TRAPPC11: variants seen among roughly 807,000 people sequenced by gnomAD.
TRAPPC11 encodes the protein trafficking protein particle complex subunit 11, also known as foie gras homolog.
TRAPPC11 carries 104 observed loss-of-function variants against 151.2 expected under a neutral mutation model. That is an observed-to-expected ratio of 0.69 (90% CI 0.59 to 0.81). The LOEUF (loss-of-function observed/expected upper bound fraction) is 0.81, where lower values mean the gene tolerates loss of function less well. Ranked by LOEUF, TRAPPC11 falls within the 30% of genes least tolerant of loss-of-function variation. The probability of loss-of-function intolerance (pLI) is 0.00; values close to 1 mark genes in which losing one functional copy is unlikely to be tolerated. For synonymous variants in TRAPPC11, 456 were observed against 472.3 expected (o/e 0.97, Z 0.45); for missense variants, 1,230 against 1,349.6 (o/e 0.91, Z 1.39).
At chr4:183,691,619 G>C (rs1736265533) in intron 19 of TRAPPC11, 148 bp downstream of exon 19, 3 of 474,582 alleles carry the variant, frequency 6.3e-6, no homozygotes, top group Non-Finnish European at 9.8e-6. Context: ...AGTTTGGGAA[G>C]TTTCCTTCAG....
At chr4:183,675,767 T>C (rs1314442857) in intron 7 of TRAPPC11, 1 of 152,224 alleles carries the variant, frequency 6.6e-6, no homozygotes, top group East Asian at 1.9e-4. Flanking sequence ...TTAAATTCAA[T>C]TTTTTAAATT....
chr4:183,701,713 A>G lies in TRAPPC11; in HGVS notation c.2868A>G (p.Gly956=). 7 of 1,613,158 alleles carry G rather than the reference A, an allele frequency of 4.3e-6. No homozygotes were observed. The highest frequency in any genetic ancestry group is 5.9e-6 in the Non-Finnish European group (7 of 1,179,172). The change falls in exon 26 of 30, where the codon GGA becomes GGG. Residue 956 remains glycine (G), a synonymous_variant. Transcript: ENST00000334690. ...TCCCTGTAGTTATCTTACAGACTGG[A>G]GAGAGTGCTAGTGAATGCTTTTGTC... ...SQVDNVILQT[G]ESASECFCLQ...
intron 29 of TRAPPC11, 117 bp from the exon 30 acceptor site, chr4:183,712,483 C>T: frequency 1.0e-6 from 1 of 990,814 alleles, no homozygotes; most frequent in Non-Finnish European, 1.6e-6. Context: ...GATGCTTACA[C>T]TCATTTATTC....
chr4:183,676,405 C>T (rs568475078), intron 7 of TRAPPC11, among the ~76,000 whole-genome samples: 1 of 152,172 alleles, frequency 6.6e-6, no homozygotes, highest in Non-Finnish European at 1.5e-5. Flanking sequence ...CCACCTTGGC[C>T]TCCCAAAATG....
At chr4:183,660,677 T>G (rs1229722526) in intron 1 of TRAPPC11, among the ~76,000 whole-genome samples, 1 of 152,176 alleles carries the variant, frequency 6.6e-6, no homozygotes, top group Non-Finnish European at 1.5e-5. Context: ...CTCGTTCATA[T>G]TAAGCAAAGG....
chr4:183,694,485 TAAAG>T, intron 22 of TRAPPC11, 115 bp from the exon 23 acceptor site: 1 of 1,012,374 alleles, frequency 9.9e-7, no homozygotes, highest in Non-Finnish European at 1.5e-6. Context: ...GTAAAAGTGA[TAAAG>T]AATTTAGCCA....
intron 28 of TRAPPC11, among the ~76,000 whole-genome samples, chr4:183,708,161 G>A (rs1225968177): frequency 6.6e-6 from 1 of 152,148 alleles, no homozygotes; most frequent in Non-Finnish European, 1.5e-5. Context: ...ACCCATTGTA[G>A]GTCTTGGTAG....
At chr4:183,695,636 G>A (rs969265583) in intron 23 of TRAPPC11, among the ~76,000 whole-genome samples, 1 of 152,146 alleles carries the variant, frequency 6.6e-6, no homozygotes, top group African/African-American at 2.4e-5. Context: ...GGTCCTGACA[G>A]TAATGTTGTC....
At chr4:183,706,961 T>G (rs1029954214) in intron 28 of TRAPPC11, 21 bp downstream of exon 28, 1 of 1,609,284 alleles carries the variant, frequency 6.2e-7, no homozygotes. Context: ...TATCTTGTGA[T>G]GCTTATGTTG....
Position 183,677,563 on chromosome 4 carries a change from T to A in TRAPPC11, c.831+9T>A. ...GATTTATAAACTACAAGGTAATAAT[T>A]CTGCTTCCAAATACAGGGAATTTGT... On this transcript the variant is annotated intron_variant, in intron 8 of 29. Coordinates refer to ENST00000334690, the MANE Select transcript of TRAPPC11 (RefSeq NM_021942.6). The A allele has an allele frequency of 2.2e-6, 3 of 1,393,450 alleles. No homozygotes were observed. The highest frequency in any genetic ancestry group is 3.0e-6 in the Non-Finnish European group (3 of 988,962). 86.3% of individuals were successfully genotyped at this position (1,393,450 alleles called of 1,614,324 possible). A position where few individuals can be genotyped will look rare whatever the true frequency, so the allele number is the denominator to read the frequency against.
Position 183,706,786 on chromosome 4 carries a change from G to A in TRAPPC11, c.3056-21G>A, listed in dbSNP as rs1244960520. 2.5e-6 allele frequency: 4 copies of A among 1,602,566 alleles called. No individual in the cohort carries two copies. In the Admixed American group the frequency reaches 6.8e-5, roughly 27 times the overall value. On this transcript the variant is annotated intron_variant, in intron 27 of 29. Coordinates refer to ENST00000334690, the MANE Select transcript of TRAPPC11 (RefSeq NM_021942.6). ...GGAGCTATTTTTTAAACCAAGAGAAGTGTGTCATCTTTCTCTGTAGATCTG... is the reference window on the plus strand; with the variant it reads ...GGAGCTATTTTTTAAACCAAGAGAAATGTGTCATCTTTCTCTGTAGATCTG...
At chr4:183,693,827 A>G (rs1736387722) in intron 21 of TRAPPC11, 90 bp downstream of exon 21, 1 of 1,594,778 alleles carries the variant, frequency 6.3e-7, no homozygotes, top group Admixed American at 1.7e-5. Context: ...TGTTTACAAG[A>G]GGGTATGGCA....
At chr4:183,666,907 G>C in intron 3 of TRAPPC11, 153 bp from the exon 4 acceptor site, 1 of 553,816 alleles carries the variant, frequency 1.8e-6, no homozygotes, top group Non-Finnish European at 3.2e-6. Context: ...TGACATATAT[G>C]TGCTTTGTGT....
intron 25 of TRAPPC11, among the ~76,000 whole-genome samples, chr4:183,699,085 C>T (rs1458745894): frequency 2.6e-5 from 4 of 152,182 alleles, no homozygotes; most frequent in African/African-American, 9.7e-5. Context: ...CACTGGACCT[C>T]ACCTGGTCAG....
chr4:183,688,128 C>T (rs575912892), intron 18 of TRAPPC11, among the ~76,000 whole-genome samples: 1 of 152,126 alleles, frequency 6.6e-6, no homozygotes, highest in Non-Finnish European at 1.5e-5. Context: ...CTGAGTATAG[C>T]ATATGTCGAC....
intron 2 of TRAPPC11, 72 bp downstream of exon 2, chr4:183,664,143 T>C: frequency 7.3e-7 from 1 of 1,373,278 alleles, no homozygotes; most frequent in Non-Finnish European, 1.0e-6. Context: ...TTTTTTGTTC[T>C]GTTGTGTGTG....
chr4:183,690,905 C>G (rs1326549301), intron 18 of TRAPPC11, among the ~76,000 whole-genome samples: 1 of 152,024 alleles, frequency 6.6e-6, no homozygotes, highest in African/African-American at 2.4e-5. Context: ...AAGGTTGAGG[C>G]TACAGTGAGC....
chr4:183,666,932 C>T, intron 3 of TRAPPC11, 128 bp from the exon 4 acceptor site: 1 of 650,352 alleles, frequency 1.5e-6, no homozygotes, highest in South Asian at 2.8e-5. Flanking sequence ...GAAAAGATTT[C>T]TTCTGATCTT....
intron 5 of TRAPPC11, among the ~76,000 whole-genome samples, chr4:183,671,124 C>T (rs1735134493): frequency 6.6e-6 from 1 of 152,178 alleles, no homozygotes; most frequent in Admixed American, 6.5e-5. Context: ...CCTCGGCCTC[C>T]CATAGTGCTG....
Sources: gnomAD v4.1 joint callset for allele counts (sites outside exome capture counted in the v4.1 genomes callset) on GRCh38, gnomAD v4.1.1 for gene constraint, MANE v1.5 for transcripts, NCBI Gene and HGNC (gene_info 2026-07-23, HGNC 2026-07-21) for gene names.